MED12L: variants seen among roughly 807,000 people sequenced by gnomAD.
The protein encoded by MED12L is mediator of RNA polymerase II transcription subunit 12-like protein.
Under a neutral mutation model 281.3 loss-of-function variants are expected in MED12L, and 60 were observed. The observed-to-expected ratio is 0.21, with a 90% confidence interval of 0.17 to 0.26. MED12L has a LOEUF of 0.26. Ranked by LOEUF, MED12L falls within the 10% of genes least tolerant of loss-of-function variation. The pLI is 1.00. For synonymous variants in MED12L, 974 were observed against 987.2 expected, an observed-to-expected ratio of 0.99 and a Z score of 0.25; for missense variants, 2,146 against 2,680.9, an observed-to-expected ratio of 0.80 and a Z score of 4.41.
intron 16 of MED12L, chr3:151,327,865 C>T (rs1161595536): frequency 1.5e-6 from 1 of 680,754 alleles, no homozygotes; most frequent in Non-Finnish European, 2.4e-6. Context: ...ATAATCTTTT[C>T]TGTACACGAG....
At chr3:151,257,049 A>T (rs1177835105) in intron 16 of MED12L, among the ~76,000 whole-genome samples, 1 of 152,126 alleles carries the variant, frequency 6.6e-6, no homozygotes, top group African/African-American at 2.4e-5. Context: ...AAGCAGCACG[A>T]TACAGCTGCT....
intron 16 of MED12L, among the ~76,000 whole-genome samples, chr3:151,229,473 ATTT>A (rs59434401): frequency 0.39 from 34,413 of 89,160 alleles, 5,139 homozygotes; most frequent in East Asian, 0.53. Flanking sequence ...TGCCCGGCTA[ATTT>A]TTTTTTTTTT....
chr3:151,272,589 C>G (rs976432994), intron 16 of MED12L, among the ~76,000 whole-genome samples: 5 of 152,278 alleles, frequency 3.3e-5, no homozygotes, highest in African/African-American at 1.2e-4. Context: ...TTACAAAGTG[C>G]ATACTCGGGA....
chr3:151,188,527 AT>A (rs146901990), intron 13 of MED12L, 47 bp downstream of exon 13: 927 of 1,440,750 alleles, frequency 6.4e-4, no homozygotes, highest in South Asian at 1.3e-3. Flanking sequence ...TAAGGGATTG[AT>A]TTTTTTTTTC....
intron 16 of MED12L, among the ~76,000 whole-genome samples, chr3:151,232,180 C>T (rs1731818298): frequency 6.6e-6 from 1 of 152,058 alleles, no homozygotes; most frequent in Non-Finnish European, 1.5e-5. Context: ...CTATTCTTGG[C>T]CATTTTCTTT....
intron 16 of MED12L, among the ~76,000 whole-genome samples, chr3:151,260,129 A>G (rs897600008): frequency 5.3e-5 from 8 of 152,202 alleles, no homozygotes; most frequent in Admixed American, 1.3e-4. Context: ...GTAGCAGATC[A>G]TGAGTGTGTT....
At chr3:151,366,562 G>GTGTATTTCTT (rs1231658768) in intron 23 of MED12L, among the ~76,000 whole-genome samples, 3 of 152,166 alleles carry the variant, frequency 2.0e-5, no homozygotes, top group Non-Finnish European at 4.4e-5. Flanking sequence ...TCCATGATGT[G>GTGTATTTCTT]TGTATTTCTT....
chr3:151,140,867 GTT>G (rs1468930386), intron 5 of MED12L, among the ~76,000 whole-genome samples: 1 of 150,204 alleles, frequency 6.7e-6, no homozygotes, highest in African/African-American at 2.4e-5. Flanking sequence ...TTGTTTGTTT[GTT>G]TGTTTGTTTG....
At chr3:151,095,486 T>A (rs1720593421) in intron 2 of MED12L, among the ~76,000 whole-genome samples, 1 of 152,160 alleles carries the variant, frequency 6.6e-6, no homozygotes, top group Non-Finnish European at 1.5e-5. Context: ...TACAAGCGCA[T>A]GCCACCATGC....
intron 16 of MED12L, among the ~76,000 whole-genome samples, chr3:151,288,248 G>A (rs1219082752): frequency 1.3e-5 from 2 of 152,196 alleles, no homozygotes; most frequent in South Asian, 2.1e-4. Flanking sequence ...GTGAAGAATT[G>A]TCCCATGCTG....
At chr3:151,279,543 C>T (rs1742473350) in intron 16 of MED12L, among the ~76,000 whole-genome samples, 1 of 152,180 alleles carries the variant, frequency 6.6e-6, no homozygotes, top group African/African-American at 2.4e-5. Context: ...AGAAGTTCGC[C>T]ATTTCTCCCT....
rs188133604 is a variant in MED12L at position 151,354,221 on chromosome 3, T to C, written c.2399-900T>C. ...CATATATCCAACTTTTCCTTTTTGT[T>C]TTTAGATTTGTCTTTGTAAACATAA... On this transcript the variant is annotated intron_variant, in intron 17 of 44. Coordinates refer to ENST00000687756, the MANE Select transcript of MED12L (RefSeq NM_001393769.1). 5.1e-3 allele frequency among the ~76,000 whole-genome samples: 780 copies of C among 152,046 alleles called. 13 individuals are homozygous for C. Among genetic ancestry groups the C allele is most frequent in the African/African-American group, 0.018 (737 of 41,518 alleles).
At chr3:151,183,985 T>G (rs1358100696) in intron 11 of MED12L, among the ~76,000 whole-genome samples, 1 of 152,232 alleles carries the variant, frequency 6.6e-6, no homozygotes, top group Admixed American at 6.5e-5. Context: ...TATGTTCATA[T>G]AGGTTAGAGT....
rs540590934 is a variant in MED12L, at chr3:151,145,512, G to A, written c.557-10649G>A. 3.3e-5 allele frequency among the ~76,000 whole-genome samples: 5 copies of A among 152,272 alleles called. No homozygotes were observed. In the South Asian group the frequency reaches 6.2e-4, roughly 19 times the overall value. On this transcript the variant is annotated intron_variant, in intron 5 of 44. Transcript: ENST00000687756. ...ATATCTCCAGCATTTTAAATCTGGC[G>A]TATTCAAAACTAAACTGAAAACTGG...
intron 2 of MED12L, among the ~76,000 whole-genome samples, chr3:151,098,897 G>A (rs548597449): frequency 3.9e-5 from 6 of 152,134 alleles, no homozygotes; most frequent in African/African-American, 1.2e-4. Flanking sequence ...TAATGCACTC[G>A]CAGTTCCATG....
Position 151,411,434 on chromosome 3 carries a change from A to ATTCAGCAGCAGCCGAGTGGCTATG in MED12L, c.6079_6102dup (p.Pro2027_Gln2034dup), listed in dbSNP as rs1577588453. The ATTCAGCAGCAGCCGAGTGGCTATG allele has an allele frequency of 6.2e-7, 1 of 1,614,038 alleles. No homozygotes were observed. Among genetic ancestry groups the ATTCAGCAGCAGCCGAGTGGCTATG allele is most frequent in the Non-Finnish European group, 8.5e-7 (1 of 1,180,040 alleles). Reference sequence around the variant, plus strand: ...CGTGCTAATGGAAAGACTCAGACAGATTCAGCAGCAGCCGAGTGGCTATGT... The same window carrying ATTCAGCAGCAGCCGAGTGGCTATG: ...CGTGCTAATGGAAAGACTCAGACAGATTCAGCAGCAGCCGAGTGGCTATGTTCAGCAGCAGCCGAGTGGCTATGT... On this transcript the variant is annotated inframe_insertion, in exon 41 of 45. Transcript: ENST00000687756.
intron 16 of MED12L, chr3:151,328,085 A>T (rs750596329): frequency 6.2e-7 from 1 of 1,610,046 alleles, no homozygotes; most frequent in South Asian, 1.1e-5. Flanking sequence ...CTTTTCTGTG[A>T]ATTTTTTACA....
chr3:151,327,391 G>A (rs1749743168), intron 16 of MED12L: 1 of 152,154 alleles, frequency 6.6e-6, no homozygotes, highest in South Asian at 2.1e-4. Context: ...TGGTGCTTGT[G>A]CCTCCTATGG....
chr3:151,290,845 T>C (rs1744164893), intron 16 of MED12L, among the ~76,000 whole-genome samples: 1 of 152,238 alleles, frequency 6.6e-6, no homozygotes, highest in Admixed American at 6.5e-5. Flanking sequence ...AATTGAATTT[T>C]CTTCACCTGT....
Sources: allele counts gnomAD v4.1 joint callset (sites outside exome capture counted in the v4.1 genomes callset), GRCh38; gene constraint gnomAD v4.1.1; transcripts MANE v1.5; gene names NCBI Gene and HGNC (gene_info 2026-07-23, HGNC 2026-07-21).